PRTG: variants seen among roughly 807,000 people sequenced by gnomAD.
The protein encoded by PRTG is protogenin.
PRTG carries 67 observed loss-of-function variants against 122.5 expected under a neutral mutation model. The ratio of observed to expected loss-of-function variants is 0.55; its 90% confidence interval spans 0.45 to 0.67. The LOEUF is 0.67. Among genes scored for constraint, PRTG ranks in the 30% least tolerant of loss-of-function variants. PRTG has a pLI of 0.00. For synonymous variants in PRTG, 554 were observed against 501.1 expected (o/e 1.11, Z -1.41); for missense variants, 1,435 against 1,415.4 (o/e 1.01, Z -0.22).
chr15:55,695,208 C>T (rs186209928), intron 2 of PRTG, among the ~76,000 whole-genome samples: 3 of 152,220 alleles, frequency 2.0e-5, no homozygotes, highest in South Asian at 2.1e-4. Flanking sequence ...TATGACTCTA[C>T]ACTGGAAATG....
chr15:55,646,011 A>G (rs1409328163), intron 11 of PRTG, among the ~76,000 whole-genome samples: 1 of 151,704 alleles, frequency 6.6e-6, no homozygotes, highest in Non-Finnish European at 1.5e-5. Flanking sequence ...ATTATTTATT[A>G]TTTTTTATTT....
At chr15:55,675,744 T>G in intron 8 of PRTG, 61 bp from the exon 9 acceptor site, 1 of 1,066,188 alleles carries the variant, frequency 9.4e-7, no homozygotes, top group South Asian at 1.5e-5. Flanking sequence ...AACAAGACCA[T>G]TTTCCTGCAC....
chr15:55,634,457 A>T (rs2141725966), intron 15 of PRTG, among the ~76,000 whole-genome samples: 1 of 152,150 alleles, frequency 6.6e-6, no homozygotes, highest in Non-Finnish European at 1.5e-5. Context: ...TACTTACAAC[A>T]CCTCATTAAA....
At chr15:55,637,096 A>T in intron 15 of PRTG, 74 bp downstream of exon 15, 1,029 of 902,896 alleles carry the variant, frequency 1.1e-3, no homozygotes, top group Non-Finnish European at 1.5e-3. Context: ...TAAACTCTAG[A>T]TTCCCCTTTC....
intron 11 of PRTG, among the ~76,000 whole-genome samples, chr15:55,652,931 T>C (rs559173351): frequency 5.2e-4 from 79 of 152,234 alleles, no homozygotes; most frequent in African/African-American, 1.9e-3. Context: ...ATATCTTACA[T>C]GAAGGTACTA....
At chr15:55,730,595 T>C (rs149142006) in intron 2 of PRTG, among the ~76,000 whole-genome samples, 2,481 of 152,074 alleles carry the variant, frequency 0.016, 33 homozygotes, top group Non-Finnish European at 0.026. Flanking sequence ...GGTCAGGATA[T>C]CAAGACCATC....
chr15:55,641,066 G>T, intron 12 of PRTG, 47 bp downstream of exon 12: 1 of 1,288,088 alleles, frequency 7.8e-7, no homozygotes, highest in South Asian at 1.2e-5. Context: ...GGAGGAGAAA[G>T]AACGGTGTGA....
chr15:55,691,813 C>T (rs910668933), intron 2 of PRTG, among the ~76,000 whole-genome samples: 68 of 152,000 alleles, frequency 4.5e-4, no homozygotes, highest in African/African-American at 1.6e-3. Context: ...CTTCTAGGAA[C>T]CTATTAAAGA....
At chr15:55,646,878 C>T (rs2059327279) in intron 11 of PRTG, among the ~76,000 whole-genome samples, 1 of 152,138 alleles carries the variant, frequency 6.6e-6, no homozygotes, top group South Asian at 2.1e-4. Context: ...GAACATCTTC[C>T]TGACACACTG....
chr15:55,616,897 G>A lies in PRTG; in HGVS notation c.*3115C>T, dbSNP rs1051002883. 6.6e-6 allele frequency: 1 copy of A among 151,958 alleles called. No homozygotes were observed. The highest frequency in any genetic ancestry group is 2.4e-5 in the African/African-American group (1 of 41,388). 9.4% of individuals were successfully genotyped at this position (151,958 alleles called of 1,614,324 possible). A position where few individuals can be genotyped will look rare whatever the true frequency, so the allele number is the denominator to read the frequency against. On this transcript the variant is annotated 3_prime_UTR_variant, in exon 20 of 20. Coordinates refer to ENST00000389286, the MANE Select transcript of PRTG (RefSeq NM_173814.6). ...ATCTGCTCATCTTTACTTACTTACA[G>A]GCTAACCTATACATCTTAATGGTCT...
intron 15 of PRTG, 71 bp downstream of exon 15, chr15:55,637,099 C>A: frequency 8.3e-7 from 1 of 1,201,048 alleles, no homozygotes; most frequent in Non-Finnish European, 1.1e-6. Context: ...ACTCTAGATT[C>A]CCCTTTCCTT....
chr15:55,692,459 C>A (rs1204095436), intron 2 of PRTG, among the ~76,000 whole-genome samples: 1 of 152,020 alleles, frequency 6.6e-6, no homozygotes, highest in East Asian at 1.9e-4. Flanking sequence ...AGGTTTCTGG[C>A]CCGTAAAGGT....
At chr15:55,724,934 G>C (rs2030970272) in intron 2 of PRTG, among the ~76,000 whole-genome samples, 1 of 152,156 alleles carries the variant, frequency 6.6e-6, no homozygotes, top group Non-Finnish European at 1.5e-5. Flanking sequence ...GCTAGAGGCT[G>C]AAACGAAAGG....
At chr15:55,630,544 T>C (rs1209189964) in intron 15 of PRTG, among the ~76,000 whole-genome samples, 1 of 152,174 alleles carries the variant, frequency 6.6e-6, no homozygotes, top group East Asian at 1.9e-4. Context: ...CAGCAATCTG[T>C]GTAAGATCTA....
At chr15:55,675,322 T>C (rs977372266) in intron 9 of PRTG, among the ~76,000 whole-genome samples, 197 bp downstream of exon 9, 1 of 152,150 alleles carries the variant, frequency 6.6e-6, no homozygotes, top group African/African-American at 2.4e-5. Flanking sequence ...AATTTTATTA[T>C]TAAATTTTAT....
At position 55,620,272 on chromosome 15, in the gene PRTG, C is replaced by A; in HGVS notation, c.3199-6G>T. ...GGAGTAAATCTTCTTTGAGGCTAGGCAAAAAAAGATAAGATGGCAATGAGA... is the reference window on the plus strand; with the variant it reads ...GGAGTAAATCTTCTTTGAGGCTAGGAAAAAAAAGATAAGATGGCAATGAGA... On this transcript the variant is annotated splice_region_variant and splice_polypyrimidine_tract_variant and intron_variant, in intron 19 of 19. Transcript: ENST00000389286. 1 of 1,605,094 alleles carries A rather than the reference C, an allele frequency of 6.2e-7. No homozygotes were observed. The highest frequency in any genetic ancestry group is 1.7e-5 in the Admixed American group (1 of 57,488).
At chr15:55,712,495 C>T (rs2030426605) in intron 2 of PRTG, among the ~76,000 whole-genome samples, 1 of 152,140 alleles carries the variant, frequency 6.6e-6, no homozygotes, top group Non-Finnish European at 1.5e-5. Flanking sequence ...CTGATTCAGT[C>T]CCTAATTTTT....
At chr15:55,630,058 C>T (rs913112517) in intron 15 of PRTG, among the ~76,000 whole-genome samples, 5 of 150,662 alleles carry the variant, frequency 3.3e-5, no homozygotes, top group Admixed American at 6.6e-5. Context: ...ACGATCTTGG[C>T]TCACTGTCAG....
rs571903584 is a variant in PRTG at position 55,625,162 on chromosome 15, T to A, written c.2928-655A>T. The stretch of plus-strand genomic sequence containing the variant: ...TTTTAATTCAAAAAAATAGCCTTAA[T>A]AAATGAAAACAAAACCCAAAATATA... On this transcript the variant is annotated intron_variant, in intron 17 of 19. Coordinates refer to ENST00000389286, the MANE Select transcript of PRTG (RefSeq NM_173814.6). 2.0e-5 allele frequency among the ~76,000 whole-genome samples: 3 copies of A among 152,206 alleles called. No individual in the cohort carries two copies. In the East Asian group the frequency reaches 5.8e-4, roughly 29 times the overall value.
Sources: allele counts gnomAD v4.1 joint callset (sites outside exome capture counted in the v4.1 genomes callset), GRCh38; gene constraint gnomAD v4.1.1; transcripts MANE v1.5; gene names NCBI Gene and HGNC (gene_info 2026-07-23, HGNC 2026-07-21).